Variants in PAMR1 observed in about 807,000 individuals in gnomAD.
The protein encoded by PAMR1 is inactive serine protease PAMR1.
In PAMR1, 88 loss-of-function variants were observed where a neutral mutation model predicts 81.8. The ratio of observed to expected loss-of-function variants is 1.08; its 90% CI spans 0.91 to 1.28. The LOEUF is 1.28. Ranked by LOEUF, PAMR1 falls within the 50% of genes most tolerant of loss-of-function variation. The pLI, the probability that PAMR1 is intolerant of heterozygous loss-of-function variation, is 0.00. For synonymous variants in PAMR1, 336 were observed against 345.3 expected (o/e 0.97, Z 0.30); for missense variants, 935 against 919.7 (o/e 1.02, Z -0.21).
At chr11:35,494,386 T>G in intron 1 of PAMR1, 114 bp from the exon 2 acceptor site, 1 of 841,684 alleles carries the variant, frequency 1.2e-6, no homozygotes. Context: ...CAGGCTGGAG[T>G]GCAGTGGCGC....
At chr11:35,439,170 G>A (rs1351312690) in intron 8 of PAMR1, among the ~76,000 whole-genome samples, 1 of 152,182 alleles carries the variant, frequency 6.6e-6, no homozygotes, top group Non-Finnish European at 1.5e-5. Context: ...CCTTCTGCAT[G>A]GCTGGTCATT....
intron 3 of PAMR1, among the ~76,000 whole-genome samples, chr11:35,489,986 T>C (rs1850587354): frequency 6.6e-6 from 1 of 152,246 alleles, no homozygotes; most frequent in South Asian, 2.1e-4. Context: ...TAGCTGAGAC[T>C]GGGTAATTTG....
At chr11:35,459,999 A>G (rs1288915465) in intron 6 of PAMR1, among the ~76,000 whole-genome samples, 2 of 152,258 alleles carry the variant, frequency 1.3e-5, no homozygotes, top group Admixed American at 1.3e-4. Context: ...TAAAGCCCAG[A>G]GCCTGGCCTA....
intron 8 of PAMR1, among the ~76,000 whole-genome samples, chr11:35,436,519 A>G (rs989701650): frequency 6.6e-6 from 1 of 152,176 alleles, no homozygotes; most frequent in Non-Finnish European, 1.5e-5. Flanking sequence ...TCCTGGGCTC[A>G]AGCAATCCAC....
intron 3 of PAMR1, among the ~76,000 whole-genome samples, chr11:35,486,990 C>T (rs573751418): frequency 5.3e-5 from 8 of 152,184 alleles, no homozygotes; most frequent in South Asian, 4.2e-4. Context: ...GTGTGATGTG[C>T]GCAGAGGCCT....
chr11:35,501,046 C>T (rs1850826862), intron 1 of PAMR1, among the ~76,000 whole-genome samples: 1 of 152,004 alleles, frequency 6.6e-6, no homozygotes. Flanking sequence ...TACACTTAGC[C>T]CACACTCAAT....
intron 8 of PAMR1, among the ~76,000 whole-genome samples, chr11:35,439,117 G>A (rs1407555017): frequency 2.0e-5 from 3 of 152,158 alleles, no homozygotes; most frequent in African/African-American, 7.2e-5. Context: ...CCCCACCTTT[G>A]TCTTCCCAGG....
In PAMR1 at chr11:35,494,219, G is replaced by A. The variant is rs141739658; in HGVS notation, c.127C>T (p.Arg43Trp). 32 of 1,613,948 alleles carry A rather than the reference G, an allele frequency of 2.0e-5. No individual in the cohort carries two copies. The Middle Eastern group carries it at 6.6e-4, about 33-fold the overall frequency. The change falls in exon 2 of 11, where the codon CGG (arginine) becomes TGG (tryptophan). Residue 43 changes from arginine (R) to tryptophan (W), a missense_variant. Physicochemically the swap from Arg to Trp is moderately radical, Grantham distance 101. Transcript: ENST00000619888. ...ATCTGATCATATTCACAGCACTCCC[G>A]ACACATGATATTCCACTCTGCTCCA... ...CPGAEWNIMCRECCEYDQIEC... is the reference protein window; with the variant it reads ...CPGAEWNIMCWECCEYDQIEC...
intron 1 of PAMR1, among the ~76,000 whole-genome samples, chr11:35,496,328 C>T (rs923285434): frequency 6.6e-6 from 1 of 152,110 alleles, no homozygotes; most frequent in Admixed American, 6.5e-5. Context: ...GTGAAAAGAC[C>T]ACCCACAAAA....
At chr11:35,452,212 G>A (rs1382544399) in intron 6 of PAMR1, among the ~76,000 whole-genome samples, 2 of 152,092 alleles carry the variant, frequency 1.3e-5, no homozygotes, top group African/African-American at 4.8e-5. Flanking sequence ...AAAGTATAAT[G>A]GCAGGAATTT....
chr11:35,501,830 T>A (rs1031180487), intron 1 of PAMR1, among the ~76,000 whole-genome samples: 2 of 152,202 alleles, frequency 1.3e-5, no homozygotes, highest in African/African-American at 2.4e-5. Context: ...TCACCAATCA[T>A]CCACCGATGG....
At chr11:35,447,929 T>A (rs1856331847) in intron 6 of PAMR1, among the ~76,000 whole-genome samples, 1 of 152,248 alleles carries the variant, frequency 6.6e-6, no homozygotes, top group Non-Finnish European at 1.5e-5. Context: ...TATGAAATTC[T>A]GGGTTGGAAA....
chr11:35,492,626 A>G (rs1465761528), intron 2 of PAMR1, among the ~76,000 whole-genome samples: 3 of 152,180 alleles, frequency 2.0e-5, no homozygotes, highest in Non-Finnish European at 4.4e-5. Context: ...TTAGACTTAT[A>G]TTACTTATGG....
At chr11:35,459,964 A>G (rs1856617205) in intron 6 of PAMR1, among the ~76,000 whole-genome samples, 1 of 152,264 alleles carries the variant, frequency 6.6e-6, no homozygotes, top group East Asian at 1.9e-4. Context: ...GGGAACATTG[A>G]GACAAATAAA....
chr11:35,483,235 T>C (rs1293803494), intron 3 of PAMR1, among the ~76,000 whole-genome samples: 1 of 152,136 alleles, frequency 6.6e-6, no homozygotes, highest in East Asian at 1.9e-4. Flanking sequence ...CCCATAAACC[T>C]AAGGAAATCT....
chr11:35,486,139 G>A (rs572730946), intron 3 of PAMR1, among the ~76,000 whole-genome samples: 6 of 152,332 alleles, frequency 3.9e-5, no homozygotes, highest in African/African-American at 1.4e-4. Flanking sequence ...CAGATGGATT[G>A]TAAACTCATT....
chr11:35,473,045 G>C (rs922837202), intron 4 of PAMR1, among the ~76,000 whole-genome samples: 2 of 152,164 alleles, frequency 1.3e-5, no homozygotes, highest in African/African-American at 4.8e-5. Context: ...GTGGGAGATG[G>C]GTGTGGCTTG....
Position 35,476,357 on chromosome 11 carries a change from G to A in PAMR1, c.380-1613C>T, listed in dbSNP as rs746267246. Among the ~76,000 whole-genome samples, 65 of 152,300 alleles carry A rather than the reference G, an allele frequency of 4.3e-4. 1 individual carries two copies. The highest frequency in any genetic ancestry group is 6.8e-3 in the Middle Eastern group (2 of 294). On this transcript the variant is annotated intron_variant, in intron 3 of 10. Transcript: ENST00000619888. ...TCCCCACATGTCATAGGAGGGACCTGGTGGGATGTAATTTAATCATGGGAA... is the reference window on the plus strand; with the variant it reads ...TCCCCACATGTCATAGGAGGGACCTAGTGGGATGTAATTTAATCATGGGAA...
intron 4 of PAMR1, among the ~76,000 whole-genome samples, chr11:35,472,125 G>A (rs935571510): frequency 2.6e-5 from 4 of 152,124 alleles, no homozygotes; most frequent in African/African-American, 4.8e-5. Flanking sequence ...CCTGTGAATC[G>A]CATTTTGTAC....
Sources: allele counts gnomAD v4.1 joint callset (sites outside exome capture counted in the v4.1 genomes callset), GRCh38; gene constraint gnomAD v4.1.1; transcripts MANE v1.5; gene names NCBI Gene and HGNC (gene_info 2026-07-23, HGNC 2026-07-21).